Variants in PCDH15 observed in about 807,000 individuals in gnomAD.
The protein encoded by PCDH15 is protocadherin related 15.
A neutral mutation model predicts 178.5 loss-of-function variants in PCDH15; 129 were observed. That is an observed-to-expected ratio of 0.72 (90% CI 0.63 to 0.84). The LOEUF (loss-of-function observed/expected upper bound fraction) is 0.84. PCDH15 is among the 40% of genes least tolerant of loss of function. The probability of loss-of-function intolerance (pLI) is 0.00; values close to 1 mark genes in which losing one functional copy is unlikely to be tolerated. For synonymous variants in PCDH15, 800 were observed against 732.0 expected, an observed-to-expected ratio of 1.09 and a Z score of -1.50; for missense variants, 2,230 against 2,099.9, an observed-to-expected ratio of 1.06 and a Z score of -1.21.
chr10:53,984,638 AT>A (rs1359955899), intron 21 of PCDH15, among the ~76,000 whole-genome samples: 1 of 152,142 alleles, frequency 6.6e-6, no homozygotes, highest in African/African-American at 2.4e-5. Context: ...AAGGGCACAG[AT>A]TTGAGTTAAA....
chr10:55,194,049 T>G (rs1406986663), intron 1 of PCDH15, among the ~76,000 whole-genome samples: 1 of 152,068 alleles, frequency 6.6e-6, no homozygotes, highest in African/African-American at 2.4e-5. Flanking sequence ...ACACTCATAT[T>G]TATATGTCAG....
chr10:54,476,403 T>C (rs2078276338), intron 3 of PCDH15, among the ~76,000 whole-genome samples: 1 of 152,126 alleles, frequency 6.6e-6, no homozygotes, highest in Non-Finnish European at 1.5e-5. Context: ...CATAATCATT[T>C]TCTTTCAGAT....
At chr10:54,408,166 T>TTA (rs1793891292) in intron 3 of PCDH15, among the ~76,000 whole-genome samples, 1 of 148,204 alleles carries the variant, frequency 6.7e-6, no homozygotes. Flanking sequence ...GCTGTTTTTT[T>TTA]AAAAAAAAAA....
chr10:54,028,653 T>C lies in PCDH15; in HGVS notation c.2221-5456A>G, dbSNP rs75938535. On this transcript the variant is annotated intron_variant, in intron 18 of 37. Transcript: ENST00000644397. Reference sequence around the variant, plus strand: ...GTCCTTTGTAGGGACATGGATGAAATTGGAAATCATCATTCTCAGTAAACT... The same window carrying C: ...GTCCTTTGTAGGGACATGGATGAAACTGGAAATCATCATTCTCAGTAAACT... Among the ~76,000 whole-genome samples, 335 of 142,016 alleles carry C rather than the reference T, an allele frequency of 2.4e-3. 1 individual carries two copies. Among genetic ancestry groups the C allele is most frequent in the Non-Finnish European group, 3.7e-3 (236 of 64,278 alleles). 93.2% of individuals were successfully genotyped at this position (142,016 alleles called of 152,430 possible).
chr10:54,468,766 C>T (rs1398526607), intron 3 of PCDH15, among the ~76,000 whole-genome samples: 1 of 152,158 alleles, frequency 6.6e-6, no homozygotes, highest in Non-Finnish European at 1.5e-5. Flanking sequence ...CCAAATATTA[C>T]ATTATTGCAG....
chr10:54,995,385 C>A (rs1839613814), intron 2 of PCDH15, among the ~76,000 whole-genome samples: 1 of 72,384 alleles, frequency 1.4e-5, no homozygotes, highest in Non-Finnish European at 2.6e-5. Flanking sequence ...GAGCGAGACT[C>A]CGTCTCAAAA....
chr10:54,068,533 T>C (rs2094179877), intron 17 of PCDH15, among the ~76,000 whole-genome samples: 1 of 152,166 alleles, frequency 6.6e-6, no homozygotes, highest in Non-Finnish European at 1.5e-5. Flanking sequence ...GTACTGAGAA[T>C]GTACGAACTA....
chr10:54,445,173 T>C (rs1279980757), intron 3 of PCDH15, among the ~76,000 whole-genome samples: 1 of 151,424 alleles, frequency 6.6e-6, no homozygotes, highest in Non-Finnish European at 1.5e-5. Context: ...GTTTTGTTTG[T>C]AATTTTTTTG....
At position 55,138,851 on chromosome 10, in the gene PCDH15, T is replaced by A. The variant is rs140378456; in HGVS notation, c.-80+27725A>T. Among the ~76,000 whole-genome samples, 375 of 152,268 alleles carry A rather than the reference T, an allele frequency of 2.5e-3. 2 individuals are homozygous for A. Among genetic ancestry groups the A allele is most frequent in the African/African-American group, 8.1e-3 (338 of 41,576 alleles). On this transcript the variant is annotated intron_variant, in intron 2 of 5. Transcript: ENST00000458638. ...ATAGTTTTCATTTTCTAGAATTTCA[T>A]GAAAATTGAATTACACAGTATGTCC...
chr10:54,790,944 G>C (rs1235476120), intron 1 of PCDH15, among the ~76,000 whole-genome samples: 1 of 151,770 alleles, frequency 6.6e-6, no homozygotes, highest in African/African-American at 2.4e-5. Flanking sequence ...AAATGACTTA[G>C]AGGATAAGAA....
intron 1 of PCDH15, among the ~76,000 whole-genome samples, chr10:55,194,822 A>T (rs973587738): frequency 6.9e-6 from 1 of 145,020 alleles, no homozygotes; most frequent in African/African-American, 2.6e-5. Context: ...ATTTAGAAGT[A>T]AAAAAAAAAA....
At chr10:53,827,762 C>A (rs1316404370) in intron 31 of PCDH15, among the ~76,000 whole-genome samples, 1 of 152,008 alleles carries the variant, frequency 6.6e-6, no homozygotes, top group African/African-American at 2.4e-5. Context: ...ATAGCTATCT[C>A]TTGAATAAGG....
intron 3 of PCDH15, among the ~76,000 whole-genome samples, chr10:54,443,863 C>T (rs2075987898): frequency 6.6e-6 from 1 of 151,616 alleles, no homozygotes; most frequent in Non-Finnish European, 1.5e-5. Flanking sequence ...CTCATAATTT[C>T]TGTAACAGAG....
chr10:54,574,272 T>G (rs2090204027), intron 2 of PCDH15, among the ~76,000 whole-genome samples: 1 of 151,374 alleles, frequency 6.6e-6, no homozygotes, highest in African/African-American at 2.4e-5. Context: ...GCACCATTTA[T>G]TAAATAGGGA....
intron 9 of PCDH15, among the ~76,000 whole-genome samples, chr10:54,226,496 C>T (rs925916038): frequency 3.3e-5 from 5 of 152,098 alleles, no homozygotes; most frequent in African/African-American, 4.8e-5. Flanking sequence ...GTCAGGAGTT[C>T]GAGACCAGCA....
At chr10:54,127,181 A>G (rs1171408952) in intron 15 of PCDH15, among the ~76,000 whole-genome samples, 2 of 152,172 alleles carry the variant, frequency 1.3e-5, no homozygotes, top group African/African-American at 4.8e-5. Flanking sequence ...CTTCTCCTAA[A>G]TCCCAATCCT....
rs567815488 is a variant in PCDH15 at position 54,104,876 on chromosome 10, C to T, written c.1918-14813G>A. On this transcript the variant is annotated intron_variant, in intron 15 of 37. Transcript: ENST00000644397. ...AAAAAAAAAAAAAAAAAAAGAATCC[C>T]TGAGTTCATCCTTTTCTTTCATCAC... Among the ~76,000 whole-genome samples the T allele has an allele frequency of 1.9e-3, 284 of 147,666 alleles. 3 individuals are homozygous for T. Among genetic ancestry groups the T allele is most frequent in the African/African-American group, 6.2e-3 (252 of 40,432 alleles).
intron 1 of PCDH15, among the ~76,000 whole-genome samples, chr10:55,198,097 G>A (rs1433545053): frequency 6.6e-6 from 1 of 152,114 alleles, no homozygotes; most frequent in Admixed American, 6.5e-5. Context: ...ACCAAACAAC[G>A]ATCTGCAAAT....
chr10:55,573,674 C>T (rs1322307149), intron 2 of PCDH15, among the ~76,000 whole-genome samples: 2 of 151,964 alleles, frequency 1.3e-5, no homozygotes, highest in African/African-American at 4.8e-5. Context: ...TTTTCAGATT[C>T]AATATCAAAT....
Sources: allele counts gnomAD v4.1 joint callset (sites outside exome capture counted in the v4.1 genomes callset), GRCh38; gene constraint gnomAD v4.1.1; transcripts MANE v1.5; gene names NCBI Gene and HGNC (gene_info 2026-07-23, HGNC 2026-07-21).